Variants in DPP10 observed in about 807,000 individuals in gnomAD.
The protein encoded by DPP10 is inactive dipeptidyl peptidase 10.
Under a neutral mutation model 120.9 loss-of-function variants are expected in DPP10, and 33 were observed. That is an observed-to-expected ratio of 0.27 (90% CI 0.21 to 0.37). The LOEUF (loss-of-function observed/expected upper bound fraction) is 0.37. Among genes scored for constraint, DPP10 ranks in the 10% least tolerant of loss-of-function variants. DPP10 has a pLI of 1.00. For synonymous variants in DPP10, 337 were observed against 326.1 expected, an observed-to-expected ratio of 1.03 and a Z score of -0.36; for missense variants, 816 against 942.8, an observed-to-expected ratio of 0.87 and a Z score of 1.76.
At chr2:114,640,702 C>T (rs188703016) in intron 1 of DPP10, among the ~76,000 whole-genome samples, 2 of 151,998 alleles carry the variant, frequency 1.3e-5, no homozygotes, top group Admixed American at 6.5e-5. Context: ...TGTCTTTCTA[C>T]CAGTCAACCA....
intron 1 of DPP10, among the ~76,000 whole-genome samples, chr2:114,553,638 G>A (rs1428486610): frequency 6.6e-6 from 1 of 152,174 alleles, no homozygotes; most frequent in African/African-American, 2.4e-5. Context: ...AGTTATAAGT[G>A]ATTGACCAGC....
chr2:114,843,688 C>T (rs1049856947), intron 1 of DPP10, among the ~76,000 whole-genome samples: 63 of 152,078 alleles, frequency 4.1e-4, no homozygotes, highest in Admixed American at 1.6e-3. Flanking sequence ...TTGTCTGGCT[C>T]TCAGAACTAA....
chr2:114,870,503 A>G (rs1232389332), intron 1 of DPP10, among the ~76,000 whole-genome samples: 4 of 152,108 alleles, frequency 2.6e-5, no homozygotes, highest in African/African-American at 9.7e-5. Flanking sequence ...AAAATCAGGT[A>G]TATTTTAAGG....
rs911915738 is a variant in DPP10, at chr2:115,664,227, C to T, written c.442-25460C>T. Among the ~76,000 whole-genome samples, 16 of 151,494 alleles carry T rather than the reference C, an allele frequency of 1.1e-4. No homozygotes were observed. In the South Asian group the frequency reaches 1.3e-3, roughly 12 times the overall value. On this transcript the variant is annotated intron_variant, in intron 5 of 25. Coordinates refer to ENST00000410059, the MANE Select transcript of DPP10 (RefSeq NM_020868.6). ...TACTGAAAAACATTTTCAATTTGCC[C>T]AAATTGTATACTAATGAATATAATA...
At chr2:114,700,027 A>G (rs558394954) in intron 1 of DPP10, among the ~76,000 whole-genome samples, 2 of 152,198 alleles carry the variant, frequency 1.3e-5, no homozygotes, top group African/African-American at 2.4e-5. Flanking sequence ...CTGTGGCTCA[A>G]AAGTATCACT....
At chr2:115,827,328 T>TATATGTATATGTATATG (rs1688435684) in intron 21 of DPP10, among the ~76,000 whole-genome samples, 1 of 146,634 alleles carries the variant, frequency 6.8e-6, no homozygotes, top group Admixed American at 6.9e-5. Flanking sequence ...CATGTATATG[T>TATATGTATATGTATATG]ATATGTATAT....
chr2:114,968,912 G>T (rs928896334), intron 1 of DPP10, among the ~76,000 whole-genome samples: 2 of 152,102 alleles, frequency 1.3e-5, no homozygotes, highest in African/African-American at 2.4e-5. Context: ...AACAAGGTTT[G>T]CCAATTTGAA....
chr2:115,385,648 C>T (rs182533261), intron 3 of DPP10, among the ~76,000 whole-genome samples: 56 of 152,270 alleles, frequency 3.7e-4, no homozygotes, highest in African/African-American at 1.3e-3. Flanking sequence ...TGAACCACCA[C>T]GCCCAGCCTG....
chr2:114,630,477 T>A (rs936913299), intron 1 of DPP10, among the ~76,000 whole-genome samples: 5 of 152,156 alleles, frequency 3.3e-5, no homozygotes, highest in African/African-American at 1.2e-4. Flanking sequence ...CTCTTCCCCC[T>A]CACCCCATTC....
At chr2:114,619,948 C>A (rs1483309689) in intron 1 of DPP10, among the ~76,000 whole-genome samples, 1 of 151,912 alleles carries the variant, frequency 6.6e-6, no homozygotes, top group African/African-American at 2.4e-5. Context: ...CCAATCCTTT[C>A]AACTTTAGCC....
chr2:114,770,573 C>G (rs1292037276), intron 1 of DPP10, among the ~76,000 whole-genome samples: 1 of 152,114 alleles, frequency 6.6e-6, no homozygotes, highest in Non-Finnish European at 1.5e-5. Context: ...TTAGTAATCT[C>G]AGTTATAGGA....
At chr2:115,338,739 C>A (rs2063293658) in intron 2 of DPP10, among the ~76,000 whole-genome samples, 2 of 152,142 alleles carry the variant, frequency 1.3e-5, no homozygotes, top group South Asian at 2.1e-4. Context: ...CAAAATAAAC[C>A]AGCAGACAAA....
chr2:114,669,011 T>C (rs1216577447), intron 1 of DPP10, among the ~76,000 whole-genome samples: 2 of 152,208 alleles, frequency 1.3e-5, no homozygotes, highest in East Asian at 3.9e-4. Flanking sequence ...GGGCCATTTC[T>C]TAACATTGCT....
At chr2:115,530,125 C>T (rs949963034) in intron 5 of DPP10, among the ~76,000 whole-genome samples, 1 of 151,890 alleles carries the variant, frequency 6.6e-6, no homozygotes, top group African/African-American at 2.4e-5. Flanking sequence ...AGAATGCTAG[C>T]ATTTAAATAA....
intron 1 of DPP10, among the ~76,000 whole-genome samples, chr2:115,063,997 G>A (rs1007179864): frequency 2.6e-5 from 4 of 151,824 alleles, no homozygotes; most frequent in African/African-American, 9.7e-5. Flanking sequence ...TTGGTTCAAT[G>A]CCTGCCTTTT....
At chr2:114,946,870 C>T (rs1399577802) in intron 1 of DPP10, among the ~76,000 whole-genome samples, 2 of 151,892 alleles carry the variant, frequency 1.3e-5, no homozygotes, top group Non-Finnish European at 2.9e-5. Context: ...TGGCATTATT[C>T]TTCCTTTAAA....
intron 1 of DPP10, among the ~76,000 whole-genome samples, chr2:114,923,501 C>T (rs1695364584): frequency 5.4e-5 from 4 of 74,292 alleles, no homozygotes; most frequent in Admixed American, 2.1e-4. Flanking sequence ...TTTTTTTTGA[C>T]AGAGTCTCAC....
rs1158667804 is a variant in DPP10 at position 114,757,491 on chromosome 2, CCTTT to C, written c.60+314654_60+314657del. Among the ~76,000 whole-genome samples the C allele has an allele frequency of 2.4e-3, 372 of 152,030 alleles. 1 individual carries two copies. Among genetic ancestry groups the C allele is most frequent in the African/African-American group, 8.6e-3 (355 of 41,480 alleles). ...CAATTAGTTTGCATACCAGGCTGTG[CCTTT>C]GGCAGCTGAGGGTGTTCAGGTACCA... On this transcript the variant is annotated intron_variant, in intron 1 of 25. Transcript: ENST00000410059.
chr2:114,670,770 G>T (rs1698277555), intron 1 of DPP10, among the ~76,000 whole-genome samples: 1 of 152,024 alleles, frequency 6.6e-6, no homozygotes, highest in Non-Finnish European at 1.5e-5. Context: ...TATATTTCAA[G>T]GGAAAATTAT....
Sources: gnomAD v4.1 joint callset for allele counts (sites outside exome capture counted in the v4.1 genomes callset) on GRCh38, gnomAD v4.1.1 for gene constraint, MANE v1.5 for transcripts, NCBI Gene and HGNC (gene_info 2026-07-23, HGNC 2026-07-21) for gene names.